The following VWA2 variants were observed in gnomAD, a reference collection of about 807,000 sequenced individuals.
The protein encoded by VWA2 is von Willebrand factor A domain-containing protein 2.
Under a neutral mutation model 70.4 loss-of-function variants are expected in VWA2, and 73 were observed. That is an observed-to-expected ratio of 1.04 (90% CI 0.86 to 1.26). The LOEUF (loss-of-function observed/expected upper bound fraction) is 1.26. Among genes scored for constraint, VWA2 ranks in the 50% most tolerant of loss-of-function variants. The pLI, the probability that VWA2 is intolerant of heterozygous loss-of-function variation, is 0.00. For missense variants in VWA2, 1,011 were observed against 998.5 expected, an observed-to-expected ratio of 1.01 and a Z score of -0.17; for synonymous variants, 407 against 423.3, an observed-to-expected ratio of 0.96 and a Z score of 0.47.
chr10:114,271,658 TG>T (rs1166475004), intron 5 of VWA2, among the ~76,000 whole-genome samples: 1 of 148,110 alleles, frequency 6.8e-6, no homozygotes, highest in African/African-American at 2.6e-5. Context: ...GTAATGCCCA[TG>T]CGTCTTGTCA....
At chr10:114,281,478 A>G (rs73365312) in intron 8 of VWA2, among the ~76,000 whole-genome samples, 1,859 of 152,336 alleles carry the variant, frequency 0.012, 37 homozygotes, top group African/African-American at 0.042. Context: ...CCATTTCCCT[A>G]TCTGGAACAT....
At chr10:114,240,264 CTT>C (rs2036952301) in intron 1 of VWA2, among the ~76,000 whole-genome samples, 2 of 152,222 alleles carry the variant, frequency 1.3e-5, no homozygotes, top group African/African-American at 4.8e-5. Context: ...GCTAACAAAA[CTT>C]TCCCTAGCTA....
At chr10:114,278,586 G>A (rs1461446238) in intron 7 of VWA2, 133 bp from the exon 8 acceptor site, 2 of 1,311,262 alleles carry the variant, frequency 1.5e-6, no homozygotes, top group Admixed American at 2.0e-5. Flanking sequence ...TGACCTGAGA[G>A]AGCAGAAAGT....
In VWA2 at chr10:114,293,496, C is replaced by T. The variant is rs1336660211; in HGVS notation, c.*2259C>T. 1.3e-5 allele frequency among the ~76,000 whole-genome samples: 2 copies of T among 152,132 alleles called. No individual in the cohort carries two copies. The highest frequency in any genetic ancestry group is 4.8e-5 in the African/African-American group (2 of 41,408). On this transcript the variant is annotated 3_prime_UTR_variant, in exon 14 of 14. Coordinates refer to ENST00000392982, the MANE Select transcript of VWA2 (RefSeq NM_001272046.2). ...TCTCGCCTTTGAAACATTTTTTCCC[C>T]TTTTGTAGTGACAGTGCCACTAAAT... is the stretch of plus-strand genomic sequence containing the variant.
At position 114,245,836 on chromosome 10, in the gene VWA2, CT is replaced by C. The variant is rs551030894; in HGVS notation, c.-10-2867del. On this transcript the variant is annotated intron_variant, in intron 1 of 13. Transcript: ENST00000392982. ...CTTAGTCATTTGAAGCAGGAAGACC[CT>C]GCACGAAGACTCTCAGCTGGCAGGG... 3.3e-5 allele frequency among the ~76,000 whole-genome samples: 5 copies of C among 152,300 alleles called. No individual in the cohort carries two copies. The South Asian group carries it at 1.0e-3, about 32-fold the overall frequency.
intron 6 of VWA2, among the ~76,000 whole-genome samples, chr10:114,273,588 A>C (rs2037758188): frequency 6.6e-6 from 1 of 152,216 alleles, no homozygotes; most frequent in Admixed American, 6.5e-5. Context: ...TAATGCTCTC[A>C]AACCAAAAAA....
chr10:114,254,795 C>G, intron 3 of VWA2, 120 bp from the exon 4 acceptor site: 5 of 1,364,200 alleles, frequency 3.7e-6, no homozygotes, highest in Non-Finnish European at 4.1e-6. Context: ...GCAGTTCTCC[C>G]CTTTCATGCT....
chr10:114,262,251 A>T (rs1330948607), intron 5 of VWA2, among the ~76,000 whole-genome samples: 1 of 151,334 alleles, frequency 6.6e-6, no homozygotes, highest in Non-Finnish European at 1.5e-5. Flanking sequence ...TCTGAATATG[A>T]TATGTGTGTT....
At chr10:114,245,958 A>T in intron 1 of VWA2, 1 of 459,370 alleles carries the variant, frequency 2.2e-6, no homozygotes, top group South Asian at 2.0e-5. Context: ...ATTAGGTAGA[A>T]TCTGGTGGCA....
Position 114,284,921 on chromosome 10 carries a change from C to T in VWA2, c.948C>T (p.Asp316=), listed in dbSNP as rs140930475. 223 of 1,605,416 alleles carry T rather than the reference C, an allele frequency of 1.4e-4. No homozygotes were observed. The highest frequency in any genetic ancestry group is 5.5e-4 in the African/African-American group (41 of 74,478). The change falls in exon 10 of 14, where the codon GAC becomes GAT. Residue 316 remains aspartate, a synonymous_variant. Transcript: ENST00000392982. Reference sequence around the variant, plus strand: ...GCACATGTGTTCCAGAAGGACTGGACGGCTACCAGTGCCTCTGCCCGCTGG... The same window carrying T: ...GCACATGTGTTCCAGAAGGACTGGATGGCTACCAGTGCCTCTGCCCGCTGG... ...NGGTCVPEGL[D]GYQCLCPLAF...
At chr10:114,272,702 T>C (rs1202445689) in intron 5 of VWA2, 38 bp from the exon 6 acceptor site, 4 of 1,510,406 alleles carry the variant, frequency 2.6e-6, no homozygotes, top group Non-Finnish European at 2.7e-6. Context: ...CCCCACATCA[T>C]TCACTTTTCT....
chr10:114,285,332 C>T (rs535532023), intron 10 of VWA2, among the ~76,000 whole-genome samples: 9 of 152,254 alleles, frequency 5.9e-5, no homozygotes, highest in Non-Finnish European at 8.8e-5. Context: ...CAAGGAGCCC[C>T]GATTCCTTTT....
intron 5 of VWA2, among the ~76,000 whole-genome samples, chr10:114,272,211 C>A (rs2037725396): frequency 6.6e-6 from 1 of 152,230 alleles, no homozygotes; most frequent in South Asian, 2.1e-4. Context: ...GGTGGTCAGA[C>A]AGCTCAGCCT....
At chr10:114,277,347 C>A (rs780622584) in intron 6 of VWA2, among the ~76,000 whole-genome samples, 1 of 151,758 alleles carries the variant, frequency 6.6e-6, no homozygotes, top group South Asian at 2.1e-4. Flanking sequence ...CCACACCCAG[C>A]TAATTTTTGT....
rs1402289158 is a variant in VWA2, at chr10:114,293,175, C to T, written c.*1938C>T. ...GTACCAGACATTGAGTCATAATCATCTATATTCAAGGGATACTTTCATTGA... is the reference window on the plus strand; with the variant it reads ...GTACCAGACATTGAGTCATAATCATTTATATTCAAGGGATACTTTCATTGA... On this transcript the variant is annotated 3_prime_UTR_variant, in exon 14 of 14. Transcript: ENST00000392982. Among the ~76,000 whole-genome samples, 1 of 152,200 alleles carries T rather than the reference C, an allele frequency of 6.6e-6. No individual in the cohort carries two copies.
intron 4 of VWA2, among the ~76,000 whole-genome samples, chr10:114,258,474 G>A (rs545072952): frequency 5.9e-4 from 90 of 152,260 alleles, no homozygotes; most frequent in Non-Finnish European, 1.0e-3. Flanking sequence ...GTTTCTGAGC[G>A]TACAGTAAAC....
intron 5 of VWA2, among the ~76,000 whole-genome samples, chr10:114,264,594 T>G (rs2037521155): frequency 6.6e-6 from 1 of 151,980 alleles, no homozygotes; most frequent in Non-Finnish European, 1.5e-5. Context: ...ATTTTTTTTG[T>G]ATTTTTAGTA....
rs1046836614 is a variant in VWA2 at position 114,284,971 on chromosome 10, G to A, written c.997+1G>A. 1 of 1,593,506 alleles carries A rather than the reference G, an allele frequency of 6.3e-7. No homozygotes were observed. Among genetic ancestry groups the A allele is most frequent in the Admixed American group, 1.8e-5 (1 of 57,026 alleles). On this transcript the variant is annotated splice_donor_variant, in intron 10 of 13. Coordinates refer to ENST00000392982, the MANE Select transcript of VWA2 (RefSeq NM_001272046.2). LOFTEE classifies it high-confidence loss of function. ...GCCTTTGGAGGGGAGGCTAACTGTG[G>A]TAGGTATGCACCGGCCCTGCAAGAC...
At chr10:114,266,829 G>A (rs77377113) in intron 5 of VWA2, among the ~76,000 whole-genome samples, 2,077 of 152,140 alleles carry the variant, frequency 0.014, 46 homozygotes, top group African/African-American at 0.048. Flanking sequence ...AGCCTTCCCC[G>A]GCCCCTTTCA....
Sources: gnomAD v4.1 joint callset for allele counts (sites outside exome capture counted in the v4.1 genomes callset) on GRCh38, gnomAD v4.1.1 for gene constraint, MANE v1.5 for transcripts, NCBI Gene and HGNC (gene_info 2026-07-23, HGNC 2026-07-21) for gene names.